The following LMX1A variants were observed in gnomAD, a reference collection of about 807,000 sequenced individuals.
LMX1A encodes LIM homeobox transcription factor 1-alpha.
In LMX1A, 15 loss-of-function variants were observed where a neutral mutation model predicts 49.1. The observed-to-expected ratio is 0.31, with a 90% CI of 0.20 to 0.47. The LOEUF (loss-of-function observed/expected upper bound fraction) is 0.47, where lower values mean the gene tolerates loss of function less well. LMX1A is among the 20% of genes least tolerant of loss of function. The pLI, the probability that LMX1A is intolerant of heterozygous loss-of-function variation, is 1.00. For synonymous variants in LMX1A, 167 were observed against 185.7 expected, an observed-to-expected ratio of 0.90 and a Z score of 0.82; for missense variants, 372 against 475.8, an observed-to-expected ratio of 0.78 and a Z score of 2.03.
chr1:165,291,209 A>C (rs1360218980), intron 3 of LMX1A, among the ~76,000 whole-genome samples: 1 of 152,232 alleles, frequency 6.6e-6, no homozygotes, highest in African/African-American at 2.4e-5. Context: ...TTAAATGCCA[A>C]CTTCTGGTCT....
intron 3 of LMX1A, among the ~76,000 whole-genome samples, chr1:165,274,458 GATTGA>G (rs1653903656): frequency 6.6e-6 from 1 of 152,190 alleles, no homozygotes; most frequent in African/African-American, 2.4e-5. Context: ...ATTTAGATTG[GATTGA>G]ATTGAACTAA....
At chr1:165,251,439 A>G (rs1026001809) in intron 3 of LMX1A, among the ~76,000 whole-genome samples, 2 of 152,194 alleles carry the variant, frequency 1.3e-5, no homozygotes, top group African/African-American at 2.4e-5. Context: ...TCTTGGCTGT[A>G]TGAAAAGTGG....
intron 3 of LMX1A, among the ~76,000 whole-genome samples, chr1:165,292,439 T>G (rs927689466): frequency 2.0e-5 from 3 of 151,922 alleles, no homozygotes; most frequent in African/African-American, 7.3e-5. Flanking sequence ...CAAAAGGCAG[T>G]GAGGGAAAGA....
intron 3 of LMX1A, among the ~76,000 whole-genome samples, chr1:165,263,946 C>T (rs950754439): frequency 1.3e-5 from 2 of 152,076 alleles, no homozygotes; most frequent in Admixed American, 6.5e-5. Context: ...AACACAAGCT[C>T]CTGATATGGT....
At chr1:165,278,641 C>G (rs1366074906) in intron 3 of LMX1A, among the ~76,000 whole-genome samples, 1 of 152,216 alleles carries the variant, frequency 6.6e-6, no homozygotes, top group Non-Finnish European at 1.5e-5. Context: ...GGACAGCCCA[C>G]AACCACCTTC....
chr1:165,274,979 T>A (rs887766532), intron 3 of LMX1A, among the ~76,000 whole-genome samples: 3 of 152,236 alleles, frequency 2.0e-5, no homozygotes, highest in African/African-American at 7.2e-5. Context: ...TTTTCTTACC[T>A]GTTTGAGGGA....
At chr1:165,234,372 C>A (rs1362950957) in intron 4 of LMX1A, among the ~76,000 whole-genome samples, 1 of 152,098 alleles carries the variant, frequency 6.6e-6, no homozygotes, top group East Asian at 1.9e-4. Context: ...AGTCCTTTGC[C>A]CTAATACACA....
At chr1:165,290,517 C>T (rs1279136405) in intron 3 of LMX1A, among the ~76,000 whole-genome samples, 1 of 152,110 alleles carries the variant, frequency 6.6e-6, no homozygotes, top group Non-Finnish European at 1.5e-5. Context: ...TTCAGGCCCA[C>T]CCAGACAAAC....
At chr1:165,326,669 C>T (rs976853442) in intron 3 of LMX1A, among the ~76,000 whole-genome samples, 1 of 152,180 alleles carries the variant, frequency 6.6e-6, no homozygotes, top group African/African-American at 2.4e-5. Context: ...CCTTTTGCAC[C>T]TGGCTGCATC....
chr1:165,262,563 A>G (rs551402782), intron 3 of LMX1A, among the ~76,000 whole-genome samples: 30 of 152,178 alleles, frequency 2.0e-4, no homozygotes, highest in Non-Finnish European at 3.4e-4. Flanking sequence ...GTCTCTTCAT[A>G]TTGACTTGCC....
intron 3 of LMX1A, among the ~76,000 whole-genome samples, chr1:165,344,453 G>A (rs925682661): frequency 6.6e-6 from 1 of 152,218 alleles, no homozygotes; most frequent in Non-Finnish European, 1.5e-5. Context: ...TTGTTCCACT[G>A]TCAAAACCAG....
chr1:165,202,130 G>T lies in LMX1A; in HGVS notation c.*1750C>A, dbSNP rs1450101889. The T allele has an allele frequency of 2.6e-5, 4 of 152,492 alleles. No individual in the cohort carries two copies. The highest frequency in any genetic ancestry group is 5.9e-5 in the Non-Finnish European group (4 of 68,030). The allele number at this position is 152,492 out of a possible 1,614,324, so 9.4% of individuals were successfully genotyped here. On this transcript the variant is annotated 3_prime_UTR_variant, in exon 9 of 9. Coordinates refer to ENST00000342310, the MANE Select transcript of LMX1A (RefSeq NM_177398.4). ...AAGGGGACATGTTCCCTCTGGCCTT[G>T]CCAGAGTGATAGGGACGTGTCTCTG...
chr1:165,301,957 G>A (rs767577746), intron 3 of LMX1A, among the ~76,000 whole-genome samples: 40 of 152,026 alleles, frequency 2.6e-4, no homozygotes, highest in Non-Finnish European at 5.3e-4. Flanking sequence ...GAGTACAAAG[G>A]GATCTTCAAA....
At chr1:165,272,902 A>T (rs1415675309) in intron 3 of LMX1A, among the ~76,000 whole-genome samples, 3 of 152,194 alleles carry the variant, frequency 2.0e-5, no homozygotes, top group African/African-American at 7.2e-5. Context: ...AAGGACTTAG[A>T]TCTCCATGAA....
intron 3 of LMX1A, among the ~76,000 whole-genome samples, chr1:165,331,694 A>G (rs908193059): frequency 2.6e-5 from 4 of 152,210 alleles, no homozygotes; most frequent in Admixed American, 6.5e-5. Flanking sequence ...AGGTGGGTGA[A>G]TCCCTTGAGC....
At chr1:165,352,646 G>A (rs1656466876) in intron 3 of LMX1A, among the ~76,000 whole-genome samples, 1 of 152,218 alleles carries the variant, frequency 6.6e-6, no homozygotes. Context: ...CGACGCTGGC[G>A]CGGACACCTG....
intron 3 of LMX1A, among the ~76,000 whole-genome samples, chr1:165,315,686 TG>T (rs1300546900): frequency 3.9e-5 from 6 of 152,194 alleles, no homozygotes. Context: ...CCTTGAGATC[TG>T]GCCCCCTCTA....
chr1:165,217,109 G>C (rs1651668525), intron 4 of LMX1A, among the ~76,000 whole-genome samples: 1 of 152,196 alleles, frequency 6.6e-6, no homozygotes, highest in South Asian at 2.1e-4. Flanking sequence ...CACTGCAGGT[G>C]TTCATTTCTC....
chr1:165,310,426 A>G (rs1655043085), intron 3 of LMX1A, among the ~76,000 whole-genome samples: 1 of 152,212 alleles, frequency 6.6e-6, no homozygotes, highest in Non-Finnish European at 1.5e-5. Flanking sequence ...CTCATCAGGT[A>G]TAGTATTACA....
Sources: gnomAD v4.1 joint callset for allele counts (sites outside exome capture counted in the v4.1 genomes callset) on GRCh38, gnomAD v4.1.1 for gene constraint, MANE v1.5 for transcripts, NCBI Gene and HGNC (gene_info 2026-07-23, HGNC 2026-07-21) for gene names.